Variants in PKD1L3 observed in about 807,000 individuals in gnomAD.
The protein encoded by PKD1L3 is polycystin 1 like 3, transient receptor potential channel interacting, also known as polycystin-1-like protein 3.
In PKD1L3, 239 loss-of-function variants were observed where a neutral mutation model predicts 184.1. The ratio of observed to expected loss-of-function variants is 1.30; its 90% CI spans 1.17 to 1.45. The LOEUF (loss-of-function observed/expected upper bound fraction) is 1.45, where lower values mean the gene tolerates loss of function less well. Among genes scored for constraint, PKD1L3 ranks in the 40% most tolerant of loss-of-function variants. The probability of loss-of-function intolerance (pLI) is 0.00; values close to 1 mark genes in which losing one functional copy is unlikely to be tolerated. For missense variants in PKD1L3, 2,660 were observed against 2,067.2 expected, an observed-to-expected ratio of 1.29 and a Z score of -5.56; for synonymous variants, 996 against 778.8, an observed-to-expected ratio of 1.28 and a Z score of -4.64.
Position 71,982,795 on chromosome 16 carries a change from T to G in PKD1L3, c.967-560A>C, listed in dbSNP as rs2040212270. 2.0e-5 allele frequency among the ~76,000 whole-genome samples: 3 copies of G among 152,004 alleles called. No individual in the cohort carries two copies. The South Asian group carries it at 6.2e-4, about 32-fold the overall frequency. The stretch of plus-strand genomic sequence containing the variant: ...TTTTTGTAGAGGCAGGGGCTCACTG[T>G]ATTGCCCAGGCTGGTCTCAAACACC... On this transcript the variant is annotated intron_variant, in intron 6 of 29. Coordinates refer to ENST00000620267, the MANE Select transcript of PKD1L3 (RefSeq NM_181536.2).
At chr16:71,990,590 C>T (rs756040102) in intron 3 of PKD1L3, among the ~76,000 whole-genome samples, 5 of 151,872 alleles carry the variant, frequency 3.3e-5, no homozygotes, top group Admixed American at 2.6e-4. Context: ...AATAATTAGC[C>T]GGGCGTGGTG....
Position 71,954,148 on chromosome 16 carries a change from C to G in PKD1L3, c.2766G>C (p.Met922Ile), listed in dbSNP as rs983194239. 1.3e-6 allele frequency: 2 copies of G among 1,550,340 alleles called. No homozygotes were observed. Among genetic ancestry groups the G allele is most frequent in the African/African-American group, 2.7e-5 (2 of 72,904 alleles). The change falls in exon 17 of 30, where the codon ATG becomes ATC. Residue 922 changes from methionine to isoleucine, a missense_variant. By Grantham distance (10) the Met-to-Ile change is conservative (BLOSUM62 1). Transcript: ENST00000620267. Reference protein sequence around the residue: ...LLLCNMVINVMFWKINSTTAK... With the variant: ...LLLCNMVINVIFWKINSTTAK... ...CAGTGGTGCTGTTTATCTTCCAGAA[C>G]ATAACATTGATGACCATGTTGCAGA... is the stretch of plus-strand genomic sequence containing the variant.
chr16:71,937,352 G>GACACA lies in PKD1L3; in HGVS notation c.4387_4391dup (p.Trp1465ValfsTer26), dbSNP rs1414289147. The GACACA allele has an allele frequency of 6.4e-7, 1 of 1,551,658 alleles. No homozygotes were observed. The highest frequency in any genetic ancestry group is 2.4e-5 in the East Asian group (1 of 40,926). On this transcript the variant is annotated frameshift_variant, in exon 25 of 30. Coordinates refer to ENST00000620267, the MANE Select transcript of PKD1L3 (RefSeq NM_181536.2). LOFTEE classifies it high-confidence loss of function. ...AGATGACTTGTGAGATGATAGACCAGACACAGCCCTTCTTTGACATCTGAA... is the reference window on the plus strand; with the variant it reads ...AGATGACTTGTGAGATGATAGACCAGACACAACACAGCCCTTCTTTGACATCTGAA...
At position 71,934,143 on chromosome 16, in the gene PKD1L3, GACA is replaced by G. The variant is rs2038092316; in HGVS notation, c.4614-21_4614-19del. On this transcript the variant is annotated intron_variant, in intron 26 of 29. Coordinates refer to ENST00000620267, the MANE Select transcript of PKD1L3 (RefSeq NM_181536.2). ...TGATGAATCTGCACCAAGGAAAGCTGACAGTTACTCAGCAAGAAGTATGTGCCT... is the reference window on the plus strand; with the variant it reads ...TGATGAATCTGCACCAAGGAAAGCTGGTTACTCAGCAAGAAGTATGTGCCT... The G allele has an allele frequency of 6.4e-7, 1 of 1,550,732 alleles. No homozygotes were observed. Among genetic ancestry groups the G allele is most frequent in the East Asian group, 2.4e-5 (1 of 40,928 alleles).
chr16:71,994,916 A>G (rs2040729251), intron 2 of PKD1L3, among the ~76,000 whole-genome samples: 1 of 152,116 alleles, frequency 6.6e-6, no homozygotes, highest in African/African-American at 2.4e-5. Context: ...TGAACCCAGG[A>G]GGTGGAGGTT....
At chr16:71,982,988 G>A (rs2040218805) in intron 6 of PKD1L3, among the ~76,000 whole-genome samples, 1 of 152,130 alleles carries the variant, frequency 6.6e-6, no homozygotes. Context: ...CAATTTGACA[G>A]GGAAGGAGAA....
chr16:71,967,768 A>C, intron 14 of PKD1L3, 138 bp downstream of exon 14: 1 of 744,072 alleles, frequency 1.3e-6, no homozygotes, highest in Non-Finnish European at 2.1e-6. Context: ...TGCGGCCCAC[A>C]TGTACAGTTT....
At chr16:71,933,284 C>T (rs552193708) in intron 28 of PKD1L3, 136 bp downstream of exon 28, 5 of 677,924 alleles carry the variant, frequency 7.4e-6, no homozygotes, top group African/African-American at 5.4e-5. Flanking sequence ...TACCATAAAG[C>T]AGTAGAGCAA....
intron 28 of PKD1L3, 69 bp downstream of exon 28, chr16:71,933,351 A>C (rs570081091): frequency 9.0e-6 from 11 of 1,223,238 alleles, no homozygotes; most frequent in African/African-American, 7.5e-5. Flanking sequence ...GGCTGTTTTC[A>C]TAAGGACCCC....
Position 71,999,960 on chromosome 16 carries a change from T to C in PKD1L3, c.19A>G (p.Ser7Gly). Residue 7 changes from serine (S) to glycine (G), a missense_variant, in exon 1 of 30, where the codon AGC (serine) becomes GGC (glycine). Coordinates refer to ENST00000620267, the MANE Select transcript of PKD1L3 (RefSeq NM_181536.2). ...GTTCTGATGTATAACCAAAGCCAGC[T>C]TCCTCCTTTGAAGAACATTTTCTCT... MFFKGG[S>G]WLWLYIRTSI... 1 of 1,526,006 alleles carries C rather than the reference T, an allele frequency of 6.6e-7. No individual in the cohort carries two copies. The allele number at this position is 1,526,006 out of a possible 1,614,324, so 94.5% of individuals were successfully genotyped here.
intron 24 of PKD1L3, among the ~76,000 whole-genome samples, chr16:71,939,720 G>A (rs945708824): frequency 6.6e-6 from 1 of 152,136 alleles, no homozygotes; most frequent in African/African-American, 2.4e-5. Context: ...AAGATGTGAT[G>A]GAAAATGGAA....
rs117405740 is a variant in PKD1L3 at position 71,949,693 on chromosome 16, C to T, written c.3618+90G>A. ...TTTTTTGTTGTTTATGTTACATTGTCAAAACCACTAGGCACCTTGGATTGA... is the reference window on the plus strand; with the variant it reads ...TTTTTTGTTGTTTATGTTACATTGTTAAAACCACTAGGCACCTTGGATTGA... On this transcript the variant is annotated intron_variant, in intron 21 of 29. Transcript: ENST00000620267. The T allele has an allele frequency of 2.6e-3, 3,163 of 1,215,230 alleles. 53 individuals are homozygous for T. In the East Asian group the frequency reaches 0.044, roughly 17 times the overall value. 75.3% of individuals were successfully genotyped at this position (1,215,230 alleles called of 1,614,324 possible).
chr16:71,977,506 C>A (rs1262174474), intron 10 of PKD1L3, 39 bp from the exon 11 acceptor site: 2 of 1,417,196 alleles, frequency 1.4e-6, no homozygotes, highest in Non-Finnish European at 1.9e-6. Flanking sequence ...ATGGTCCATC[C>A]ATTGATGTCT....
At chr16:71,957,924 T>C (rs912941777) in intron 16 of PKD1L3, among the ~76,000 whole-genome samples, 66 of 152,332 alleles carry the variant, frequency 4.3e-4, no homozygotes, top group Middle Eastern at 3.4e-3. Context: ...GCTGTCTTCT[T>C]ACAAGCCAAG....
chr16:71,992,178 C>G (rs529285469), intron 3 of PKD1L3, among the ~76,000 whole-genome samples: 3 of 152,042 alleles, frequency 2.0e-5, no homozygotes, highest in Non-Finnish European at 2.9e-5. Context: ...AGATCCAGCC[C>G]GCAAACTTTT....
chr16:71,937,236 G>T, intron 25 of PKD1L3, 56 bp downstream of exon 25: 1 of 1,512,484 alleles, frequency 6.6e-7, no homozygotes, highest in South Asian at 1.2e-5. Flanking sequence ...TTGTAGTCTG[G>T]TAAAGATGAG....
intron 21 of PKD1L3, among the ~76,000 whole-genome samples, chr16:71,949,035 A>G (rs1005516801): frequency 5.3e-5 from 8 of 152,112 alleles, no homozygotes; most frequent in African/African-American, 1.7e-4. Context: ...AATGGATAAA[A>G]TGATATGAAG....
chr16:71,977,559 T>TTTTC (rs1316407269), intron 10 of PKD1L3, 92 bp from the exon 11 acceptor site: 1 of 701,020 alleles, frequency 1.4e-6, no homozygotes. Flanking sequence ...ACGTCCTAGC[T>TTTTC]CTTTTTTTTT....
rs751303295 is a variant in PKD1L3 at position 71,977,313 on chromosome 16, AG to A, written c.1681del (p.Leu561TrpfsTer14). 6.5e-7 allele frequency: 1 copy of A among 1,544,764 alleles called. No homozygotes were observed. Among genetic ancestry groups the A allele is most frequent in the South Asian group, 1.2e-5 (1 of 83,906 alleles). On this transcript the variant is annotated frameshift_variant, in exon 11 of 30. Coordinates refer to ENST00000620267, the MANE Select transcript of PKD1L3 (RefSeq NM_181536.2). LOFTEE classifies it high-confidence loss of function. ...GCAGTTAGGCTGATACTGGAACCCC[AG>A]GTAGAGTGTCATTAAAAGGGGACTG... ...PDSPLLMTLY[L>X]GFQYQPNCTH... is the part of the protein sequence containing the mutation.
Sources: allele counts gnomAD v4.1 joint callset (sites outside exome capture counted in the v4.1 genomes callset), GRCh38; gene constraint gnomAD v4.1.1; transcripts MANE v1.5; gene names NCBI Gene and HGNC (gene_info 2026-07-23, HGNC 2026-07-21).